Variants in FSTL4 observed in about 807,000 individuals in gnomAD.
The protein encoded by FSTL4 is follistatin like 4.
A neutral mutation model predicts 78.2 loss-of-function variants in FSTL4; 28 were observed. The observed-to-expected ratio is 0.36, with a 90% CI of 0.27 to 0.49. The LOEUF is 0.49. Among genes scored for constraint, FSTL4 ranks in the 20% least tolerant of loss-of-function variants. The pLI is 0.98. For missense variants in FSTL4, 922 were observed against 1,084.9 expected (o/e 0.85, Z 2.11); for synonymous variants, 422 against 440.5 (o/e 0.96, Z 0.53).
At chr5:133,288,261 A>G (rs150319720) in intron 6 of FSTL4, among the ~76,000 whole-genome samples, 190 of 152,310 alleles carry the variant, frequency 1.2e-3, no homozygotes, top group African/African-American at 4.4e-3. Flanking sequence ...CGGACTCTGC[A>G]GGCCTTAGAT....
chr5:133,495,942 G>T (rs186135814), intron 3 of FSTL4, among the ~76,000 whole-genome samples: 1 of 152,160 alleles, frequency 6.6e-6, no homozygotes, highest in Non-Finnish European at 1.5e-5. Context: ...GAGCATAAAC[G>T]CAGGGACAGT....
chr5:133,820,838 G>T, the FSTL4 span, among the ~76,000 whole-genome samples: 4 of 152,148 alleles, frequency 2.6e-5, no homozygotes, highest in African/African-American at 9.7e-5. Flanking sequence ...TCTCCCTGGG[G>T]ACTTCTCAAC....
chr5:133,553,190 G>C (rs1275087282), intron 3 of FSTL4, among the ~76,000 whole-genome samples: 2 of 152,176 alleles, frequency 1.3e-5, no homozygotes, highest in East Asian at 3.9e-4. Context: ...GCCTAGGCTT[G>C]TCCAAGACTA....
chr5:133,302,133 T>C (rs905688122), intron 6 of FSTL4, among the ~76,000 whole-genome samples: 1 of 152,076 alleles, frequency 6.6e-6, no homozygotes, highest in Non-Finnish European at 1.5e-5. Flanking sequence ...TCAGCCTTCA[T>C]ATGTAAAGGC....
intron 3 of FSTL4, among the ~76,000 whole-genome samples, chr5:133,408,427 A>G (rs6861542): frequency 0.68 from 102,990 of 151,966 alleles, 35,259 homozygotes; most frequent in African/African-American, 0.78. Flanking sequence ...AAGCCACTTA[A>G]CTGAGACTTA....
At chr5:133,693,724 A>C in the FSTL4 span, among the ~76,000 whole-genome samples, 1 of 152,222 alleles carries the variant, frequency 6.6e-6, no homozygotes, top group Non-Finnish European at 1.5e-5. Flanking sequence ...CTCACAGTTC[A>C]AGAGGCTGGG....
intron 6 of FSTL4, among the ~76,000 whole-genome samples, chr5:133,254,880 T>C (rs1362978156): frequency 6.6e-6 from 1 of 152,198 alleles, no homozygotes; most frequent in Non-Finnish European, 1.5e-5. Flanking sequence ...ACACATCTCC[T>C]GAACCTCACC....
At chr5:133,805,254 A>C in the FSTL4 span, among the ~76,000 whole-genome samples, 1 of 151,906 alleles carries the variant, frequency 6.6e-6, no homozygotes, top group African/African-American at 2.4e-5. Flanking sequence ...TCATGCCCCT[A>C]CTCTGCCAGG....
chr5:133,281,583 C>G (rs1412444819), intron 6 of FSTL4, among the ~76,000 whole-genome samples: 1 of 152,094 alleles, frequency 6.6e-6, no homozygotes, highest in Non-Finnish European at 1.5e-5. Flanking sequence ...CAGGACTCTT[C>G]TATGATTTGG....
At chr5:133,522,212 C>T (rs268559) in intron 3 of FSTL4, among the ~76,000 whole-genome samples, 9,932 of 152,156 alleles carry the variant, frequency 0.065, 341 homozygotes, top group Non-Finnish European at 0.075. Flanking sequence ...GTGCAATTCC[C>T]TTGCTGGGAA....
At chr5:133,752,630 AAATTAAATT>A in the FSTL4 span, among the ~76,000 whole-genome samples, 4 of 151,696 alleles carry the variant, frequency 2.6e-5, no homozygotes, top group African/African-American at 7.3e-5. Flanking sequence ...AAATAAAATT[AAATTAAATT>A]AAATTAAATT....
rs1750214072 is a variant in FSTL4, at chr5:133,198,628, C to T, written c.*467G>A. The T allele has an allele frequency of 6.5e-6, 1 of 155,020 alleles. No homozygotes were observed. The highest frequency in any genetic ancestry group is 6.5e-5 in the Admixed American group (1 of 15,362). The allele number at this position is 155,020 out of a possible 1,614,324, so 9.6% of individuals were successfully genotyped here. On this transcript the variant is annotated 3_prime_UTR_variant, in exon 16 of 16. Coordinates refer to ENST00000265342, the MANE Select transcript of FSTL4 (RefSeq NM_015082.2). Reference sequence around the variant, plus strand: ...AGCTGCGAGGGAGAAGATGCGGTCCCACGCGAGGACGGATGGGCTTTCAGT... The same window carrying T: ...AGCTGCGAGGGAGAAGATGCGGTCCTACGCGAGGACGGATGGGCTTTCAGT...
At chr5:133,785,822 A>G in the FSTL4 span, among the ~76,000 whole-genome samples, 1 of 152,192 alleles carries the variant, frequency 6.6e-6, no homozygotes. Flanking sequence ...CACATAGACA[A>G]TGTCTGCAGG....
intron 4 of FSTL4, among the ~76,000 whole-genome samples, chr5:133,347,053 C>T (rs1372124346): frequency 6.6e-6 from 1 of 152,082 alleles, no homozygotes; most frequent in Non-Finnish European, 1.5e-5. Flanking sequence ...TGTTCCCTAT[C>T]CCCCACAGCC....
the FSTL4 span, among the ~76,000 whole-genome samples, chr5:133,699,645 G>A: frequency 6.6e-6 from 1 of 152,158 alleles, no homozygotes; most frequent in Admixed American, 6.5e-5. Flanking sequence ...ACTTTGGGAG[G>A]CCAAGGCGGG....
chr5:133,449,282 C>T (rs1010872651), intron 3 of FSTL4, among the ~76,000 whole-genome samples: 2 of 152,192 alleles, frequency 1.3e-5, no homozygotes, highest in African/African-American at 2.4e-5. Flanking sequence ...GACCCCGACA[C>T]CCCTCTTCAG....
At chr5:133,404,179 C>T (rs28416891) in intron 3 of FSTL4, among the ~76,000 whole-genome samples, 2,016 of 152,324 alleles carry the variant, frequency 0.013, 50 homozygotes, top group African/African-American at 0.045. Flanking sequence ...GCTGAGGATA[C>T]CCCGGGCGGG....
chr5:133,717,869 C>G, the FSTL4 span, among the ~76,000 whole-genome samples: 13 of 152,172 alleles, frequency 8.5e-5, no homozygotes, highest in East Asian at 1.3e-3. Context: ...ATGAATAAAG[C>G]TGCTATGAAC....
intron 3 of FSTL4, among the ~76,000 whole-genome samples, chr5:133,434,199 C>G (rs536321432): frequency 2.0e-5 from 3 of 152,180 alleles, no homozygotes; most frequent in Admixed American, 1.3e-4. Flanking sequence ...GCAGACGAGA[C>G]TCAAGGTGCG....
Sources: gnomAD v4.1 joint callset for allele counts (sites outside exome capture counted in the v4.1 genomes callset) on GRCh38, gnomAD v4.1.1 for gene constraint, MANE v1.5 for transcripts, NCBI Gene and HGNC (gene_info 2026-07-23, HGNC 2026-07-21) for gene names.